Variants in SLC25A21 observed in about 807,000 individuals in gnomAD.
SLC25A21 encodes mitochondrial 2-oxodicarboxylate carrier.
In SLC25A21, 47 loss-of-function variants were observed where a neutral mutation model predicts 43.8. That is an observed-to-expected ratio of 1.07 (90% CI 0.85 to 1.37). The LOEUF is 1.37. SLC25A21 is among the 40% of genes most tolerant of loss of function. The probability of loss-of-function intolerance (pLI) is 0.00; values close to 1 mark genes in which losing one functional copy is unlikely to be tolerated. For synonymous variants in SLC25A21, 131 were observed against 121.3 expected (o/e 1.08, Z -0.52); for missense variants, 352 against 350.2 (o/e 1.00, Z -0.04).
intron 3 of SLC25A21, among the ~76,000 whole-genome samples, chr14:36,787,431 G>A (rs749237265): frequency 3.3e-5 from 5 of 152,086 alleles, no homozygotes; most frequent in South Asian, 2.1e-4. Flanking sequence ...AGAATGAAAC[G>A]CCAATGGTTT....
chr14:36,826,865 C>T (rs1270411384), intron 2 of SLC25A21, among the ~76,000 whole-genome samples: 2 of 152,194 alleles, frequency 1.3e-5, no homozygotes, highest in East Asian at 3.9e-4. Context: ...GGTATAGCCC[C>T]TCATGCGCCA....
chr14:36,889,437 T>C (rs960731374), intron 1 of SLC25A21, among the ~76,000 whole-genome samples: 1 of 152,196 alleles, frequency 6.6e-6, no homozygotes, highest in South Asian at 2.1e-4. Context: ...TTAGTTGTAA[T>C]AACATTGAAT....
At chr14:36,839,836 C>T (rs139227030) in intron 2 of SLC25A21, among the ~76,000 whole-genome samples, 9 of 152,302 alleles carry the variant, frequency 5.9e-5, no homozygotes, top group African/African-American at 2.2e-4. Context: ...CATGTTACTG[C>T]TGGATATTGT....
At chr14:37,115,363 T>G (rs985932568) in intron 1 of SLC25A21, among the ~76,000 whole-genome samples, 2 of 152,080 alleles carry the variant, frequency 1.3e-5, no homozygotes, top group South Asian at 4.1e-4. Context: ...CTGACAAATA[T>G]CTGAATGAAT....
chr14:37,029,669 G>A (rs1266013088), intron 1 of SLC25A21, among the ~76,000 whole-genome samples: 3 of 150,960 alleles, frequency 2.0e-5, no homozygotes, highest in African/African-American at 7.3e-5. Context: ...CTTTCAGCAA[G>A]ATAGGGAGTA....
intron 1 of SLC25A21, among the ~76,000 whole-genome samples, chr14:36,904,054 C>G (rs750716996): frequency 6.6e-6 from 1 of 152,204 alleles, no homozygotes; most frequent in Non-Finnish European, 1.5e-5. Flanking sequence ...TTTCCTATGA[C>G]TGAATTCTTG....
chr14:36,679,348 A>G lies in SLC25A21; in HGVS notation c.*1310T>C, dbSNP rs750680922. 1.3e-5 allele frequency: 13 copies of G among 971,580 alleles called. No homozygotes were observed. Among genetic ancestry groups the G allele is most frequent in the South Asian group, 9.5e-5 (2 of 21,008 alleles). 60.2% of individuals were successfully genotyped at this position (971,580 alleles called of 1,614,324 possible). Reference sequence around the variant, plus strand: ...TATACTTCAAATGCTCTAAATTAATAAAAAGTAATAATTACCATGTTATCT... The same window carrying G: ...TATACTTCAAATGCTCTAAATTAATGAAAAGTAATAATTACCATGTTATCT... On this transcript the variant is annotated 3_prime_UTR_variant, in exon 10 of 10. Coordinates refer to ENST00000331299, the MANE Select transcript of SLC25A21 (RefSeq NM_030631.4).
chr14:36,833,514 G>T (rs1417162386), intron 2 of SLC25A21, among the ~76,000 whole-genome samples: 1 of 152,200 alleles, frequency 6.6e-6, no homozygotes. Flanking sequence ...AAATGTACCT[G>T]TAGACTCAAA....
intron 1 of SLC25A21, among the ~76,000 whole-genome samples, chr14:36,997,886 T>G (rs1960407261): frequency 6.6e-6 from 1 of 151,986 alleles, no homozygotes; most frequent in Admixed American, 6.6e-5. Context: ...TTTTATACAC[T>G]TAGAGATACT....
chr14:36,897,792 A>T (rs1010971694), intron 1 of SLC25A21, among the ~76,000 whole-genome samples: 22 of 152,192 alleles, frequency 1.4e-4, no homozygotes, highest in Non-Finnish European at 2.6e-4. Context: ...AGTTTGCTGG[A>T]GGTCCACTCC....
At chr14:36,733,914 C>T (rs1423523002) in intron 4 of SLC25A21, among the ~76,000 whole-genome samples, 1 of 152,054 alleles carries the variant, frequency 6.6e-6, no homozygotes, top group African/African-American at 2.4e-5. Context: ...GTACATAAAC[C>T]TCTACAGTTA....
chr14:37,117,927 TATTAA>T (rs1186369120), intron 1 of SLC25A21, among the ~76,000 whole-genome samples: 9 of 152,144 alleles, frequency 5.9e-5, no homozygotes, highest in Non-Finnish European at 1.3e-4. Flanking sequence ...TTAAAAACTT[TATTAA>T]ATTAACAAAT....
chr14:37,123,266 T>A (rs17106374), intron 1 of SLC25A21, among the ~76,000 whole-genome samples: 19,260 of 152,232 alleles, frequency 0.13, 3,078 homozygotes, highest in African/African-American at 0.37. Context: ...AGGCTTGGTG[T>A]ACCTGCTGTG....
chr14:37,129,802 C>A (rs1963361899), intron 1 of SLC25A21, among the ~76,000 whole-genome samples: 1 of 151,242 alleles, frequency 6.6e-6, no homozygotes, highest in Non-Finnish European at 1.5e-5. Flanking sequence ...ATGATTAATT[C>A]CTCAATTATA....
intron 2 of SLC25A21, among the ~76,000 whole-genome samples, chr14:36,837,165 C>T (rs1000958504): frequency 2.6e-5 from 4 of 151,856 alleles, no homozygotes; most frequent in Non-Finnish European, 4.4e-5. Context: ...AGAGAAGCCA[C>T]GGTGGGGAGT....
At chr14:36,704,225 G>C (rs1057512050) in intron 7 of SLC25A21, among the ~76,000 whole-genome samples, 1 of 152,204 alleles carries the variant, frequency 6.6e-6, no homozygotes, top group Non-Finnish European at 1.5e-5. Flanking sequence ...CCGAGGATAC[G>C]AAAGGGAGGA....
chr14:36,739,851 A>G (rs1176621583), intron 3 of SLC25A21, among the ~76,000 whole-genome samples: 1 of 152,160 alleles, frequency 6.6e-6, no homozygotes, highest in African/African-American at 2.4e-5. Flanking sequence ...CAAGGGATAA[A>G]GCAGAATTGT....
At chr14:36,973,377 A>G (rs1959797432) in intron 1 of SLC25A21, among the ~76,000 whole-genome samples, 1 of 152,200 alleles carries the variant, frequency 6.6e-6, no homozygotes, top group African/African-American at 2.4e-5. Flanking sequence ...TGAGAAACAT[A>G]GCGGAGGCTG....
chr14:36,947,578 G>A (rs1006370141), intron 1 of SLC25A21, among the ~76,000 whole-genome samples: 4 of 152,012 alleles, frequency 2.6e-5, no homozygotes, highest in African/African-American at 7.2e-5. Flanking sequence ...TGTCTGCTCC[G>A]TAATGCATGA....
Sources: gnomAD v4.1 joint callset for allele counts (sites outside exome capture counted in the v4.1 genomes callset) on GRCh38, gnomAD v4.1.1 for gene constraint, MANE v1.5 for transcripts, NCBI Gene and HGNC (gene_info 2026-07-23, HGNC 2026-07-21) for gene names.